PDZD2: variants seen among roughly 807,000 people sequenced by gnomAD.
PDZD2 encodes PDZ domain containing 2, also known as PDZ domain-containing protein 2.
Under a neutral mutation model 220.7 loss-of-function variants are expected in PDZD2, and 90 were observed. The observed-to-expected ratio is 0.41, with a 90% CI of 0.34 to 0.49. The LOEUF is 0.49. PDZD2 is among the 20% of genes least tolerant of loss of function. PDZD2 has a pLI of 0.28. For synonymous variants in PDZD2, 1,375 were observed against 1,450.5 expected (o/e 0.95, Z 1.18); for missense variants, 3,174 against 3,608.5 (o/e 0.88, Z 3.08).
chr5:31,670,281 T>G (rs1428687592), intron 1 of PDZD2, among the ~76,000 whole-genome samples: 1 of 152,222 alleles, frequency 6.6e-6, no homozygotes, highest in Non-Finnish European at 1.5e-5. Context: ...CTGCTGGTTT[T>G]GGATTTTTCA....
intron 5 of PDZD2, among the ~76,000 whole-genome samples, chr5:32,001,790 A>C (rs184425752): frequency 6.6e-6 from 1 of 152,132 alleles, no homozygotes; most frequent in African/African-American, 2.4e-5. Context: ...GGCAGCGTCT[A>C]TGTGGCCTGG....
intron 3 of PDZD2, among the ~76,000 whole-genome samples, chr5:31,989,424 T>TTTTTATTTTTTTTTTTTTTTATTTATTTA: frequency 7.3e-6 from 1 of 136,758 alleles, no homozygotes; most frequent in East Asian, 2.6e-4. Context: ...TTCTTTTCTT[T>TTTTTATTTTTTTTTTTTTTTATTTATTTA]TTTTTTTTTT....
chr5:31,829,185 A>AT (rs1316609421), intron 2 of PDZD2, among the ~76,000 whole-genome samples: 3 of 151,776 alleles, frequency 2.0e-5, no homozygotes, highest in African/African-American at 4.8e-5. Flanking sequence ...GATTTTGGTC[A>AT]TTTTTTCTAG....
chr5:32,072,838 CT>C (rs1740888641), intron 17 of PDZD2, among the ~76,000 whole-genome samples: 3 of 152,204 alleles, frequency 2.0e-5, no homozygotes, highest in Non-Finnish European at 4.4e-5. Context: ...TTTCAATGCC[CT>C]TTACATAATG....
intron 1 of PDZD2, among the ~76,000 whole-genome samples, chr5:31,643,015 A>C (rs768396375): frequency 3.3e-5 from 5 of 152,344 alleles, no homozygotes; most frequent in African/African-American, 1.2e-4. Flanking sequence ...CCAGATGATT[A>C]GAAATGTTGA....
chr5:31,965,509 C>G (rs1292429092), intron 2 of PDZD2, among the ~76,000 whole-genome samples: 1 of 152,158 alleles, frequency 6.6e-6, no homozygotes, highest in Non-Finnish European at 1.5e-5. Context: ...TTGGGTAGAC[C>G]CAGTTTCTAA....
chr5:31,825,732 CAG>C (rs1228461386), intron 2 of PDZD2, among the ~76,000 whole-genome samples: 4 of 152,156 alleles, frequency 2.6e-5, no homozygotes, highest in Non-Finnish European at 5.9e-5. Context: ...ACTACACCAG[CAG>C]AGCATTTAAG....
At chr5:31,666,711 G>A (rs553786798) in intron 1 of PDZD2, among the ~76,000 whole-genome samples, 52 of 152,312 alleles carry the variant, frequency 3.4e-4, no homozygotes, top group African/African-American at 1.2e-3. Flanking sequence ...CACGCGCTGG[G>A]CCTGTATACC....
intron 19 of PDZD2, among the ~76,000 whole-genome samples, chr5:32,084,223 G>A (rs775187182): frequency 2.0e-5 from 3 of 152,296 alleles, no homozygotes; most frequent in South Asian, 2.1e-4. Context: ...TGGGGATCTC[G>A]ACGATCCAAC....
chr5:32,110,825 G>C lies in PDZD2; in HGVS notation c.*2690G>C, dbSNP rs984484548. 1.3e-5 allele frequency: 2 copies of C among 152,376 alleles called. No homozygotes were observed. Among genetic ancestry groups the C allele is most frequent in the African/African-American group, 4.8e-5 (2 of 41,398 alleles). The allele number at this position is 152,376 out of a possible 1,614,324, so 9.4% of individuals were successfully genotyped here. On this transcript the variant is annotated 3_prime_UTR_variant, in exon 25 of 25. Coordinates refer to ENST00000438447, the MANE Select transcript of PDZD2 (RefSeq NM_178140.4). ...AGAGTAAGTGCAATAATATGAAATA[G>C]CCTGTACATTTTAAAAATGTTGTCA...
chr5:31,834,429 T>C (rs1247531807), intron 2 of PDZD2, among the ~76,000 whole-genome samples: 2 of 152,180 alleles, frequency 1.3e-5, no homozygotes, highest in Non-Finnish European at 2.9e-5. Context: ...AAAGATGAAG[T>C]GGCAAAAAGT....
intron 1 of PDZD2, among the ~76,000 whole-genome samples, chr5:31,682,498 G>C (rs1198480460): frequency 6.6e-6 from 1 of 152,158 alleles, no homozygotes; most frequent in African/African-American, 2.4e-5. Flanking sequence ...AATAAGGCCA[G>C]CACAATCCAA....
intron 18 of PDZD2, among the ~76,000 whole-genome samples, chr5:32,074,913 C>T (rs936744935): frequency 3.3e-5 from 5 of 151,896 alleles, no homozygotes; most frequent in South Asian, 2.1e-4. Context: ...CAGGTTCAAG[C>T]GATTGTCCTG....
intron 2 of PDZD2, among the ~76,000 whole-genome samples, chr5:31,974,390 T>C (rs1167017589): frequency 6.6e-6 from 1 of 152,148 alleles, no homozygotes; most frequent in Non-Finnish European, 1.5e-5. Context: ...AATATTGGTT[T>C]GAGTTTTAAG....
chr5:31,822,537 T>C (rs1755951116), intron 2 of PDZD2: 1 of 700,184 alleles, frequency 1.4e-6, no homozygotes. Context: ...CTTGTTTCTG[T>C]AGCTGGACAA....
chr5:31,911,316 A>G (rs1215939809), intron 2 of PDZD2, among the ~76,000 whole-genome samples: 2 of 152,218 alleles, frequency 1.3e-5, no homozygotes, highest in Non-Finnish European at 1.5e-5. Flanking sequence ...AGATGAATCA[A>G]TTCAGGCTCA....
At chr5:31,865,645 T>C (rs1240588398) in intron 2 of PDZD2, among the ~76,000 whole-genome samples, 7 of 126,254 alleles carry the variant, frequency 5.5e-5, no homozygotes, top group Non-Finnish European at 1.0e-4. Flanking sequence ...TTTTTTTTTT[T>C]TTTTTTGAGA....
intron 6 of PDZD2, among the ~76,000 whole-genome samples, chr5:32,014,609 G>T (rs1481382825): frequency 6.6e-6 from 1 of 151,210 alleles, no homozygotes; most frequent in Non-Finnish European, 1.5e-5. Context: ...AAATATCAAA[G>T]TCTAGCCCTT....
intron 1 of PDZD2, among the ~76,000 whole-genome samples, chr5:31,762,591 A>G (rs1177744160): frequency 6.6e-6 from 1 of 152,108 alleles, no homozygotes; most frequent in East Asian, 1.9e-4. Context: ...CCTGGCTCCT[A>G]TGGGCACTTC....
Sources: gnomAD v4.1 joint callset for allele counts (sites outside exome capture counted in the v4.1 genomes callset) on GRCh38, gnomAD v4.1.1 for gene constraint, MANE v1.5 for transcripts, NCBI Gene and HGNC (gene_info 2026-07-23, HGNC 2026-07-21) for gene names.